Variants in IL1RAPL2 observed in about 807,000 individuals in gnomAD.
IL1RAPL2 encodes the protein X-linked interleukin-1 receptor accessory protein-like 2.
A neutral mutation model predicts 44.1 loss-of-function variants in IL1RAPL2; 3 were observed. That is an observed-to-expected ratio of 0.07 (90% CI 0.03 to 0.18). IL1RAPL2 has a LOEUF of 0.18. IL1RAPL2 is among the 10% of genes least tolerant of loss of function. The probability of loss-of-function intolerance (pLI) is 1.00; values close to 1 mark genes in which losing one functional copy is unlikely to be tolerated. For synonymous variants in IL1RAPL2, 181 were observed against 178.8 expected, an observed-to-expected ratio of 1.01 and a Z score of -0.10; for missense variants, 391 against 496.4, an observed-to-expected ratio of 0.79 and a Z score of 2.02.
intron 2 of IL1RAPL2, among the ~76,000 whole-genome samples, chrX:104,969,452 G>A (rs2030191174): frequency 9.0e-6 from 1 of 111,034 alleles, no homozygotes; most frequent in Non-Finnish European, 1.9e-5. Flanking sequence ...TGACAGAGTA[G>A]AAAAATAGTT....
chrX:104,979,131 G>A (rs1359828604), intron 2 of IL1RAPL2, among the ~76,000 whole-genome samples: 1 of 111,461 alleles, frequency 9.0e-6, no homozygotes, highest in African/African-American at 3.2e-5. Context: ...GCAGGAATAG[G>A]AAGACAGGTC....
chrX:105,204,895 T>C (rs1186485447), intron 3 of IL1RAPL2, among the ~76,000 whole-genome samples: 1 of 112,182 alleles, frequency 8.9e-6, no homozygotes, highest in Non-Finnish European at 1.9e-5. Context: ...GCCTTGCTTT[T>C]CCTCACATGG....
At chrX:104,829,486 T>C (rs1292604075) in intron 2 of IL1RAPL2, among the ~76,000 whole-genome samples, 1 of 112,068 alleles carries the variant, frequency 8.9e-6, no homozygotes, top group East Asian at 2.8e-4. Context: ...CCCAATGAAA[T>C]GAACTGGGTA....
chrX:104,640,287 A>AT (rs1426350290), intron 1 of IL1RAPL2, among the ~76,000 whole-genome samples: 3 of 110,984 alleles, frequency 2.7e-5, no homozygotes, highest in African/African-American at 9.8e-5. Flanking sequence ...TTTCAAATGT[A>AT]TTTTTTTATT....
At chrX:104,851,676 T>C (rs891982120) in intron 2 of IL1RAPL2, among the ~76,000 whole-genome samples, 5 of 111,709 alleles carry the variant, frequency 4.5e-5, no homozygotes, top group African/African-American at 1.6e-4. Flanking sequence ...TTTCTAACAC[T>C]GTCTTGGTCT....
At chrX:105,429,655 A>AG (rs1290956796) in intron 5 of IL1RAPL2, among the ~76,000 whole-genome samples, 1 of 111,826 alleles carries the variant, frequency 8.9e-6, no homozygotes, top group African/African-American at 3.2e-5. Flanking sequence ...GTAAAGGGTC[A>AG]GATAGTAAAA....
intron 2 of IL1RAPL2, among the ~76,000 whole-genome samples, chrX:104,745,165 A>G (rs1420927888): frequency 8.9e-6 from 1 of 111,776 alleles, no homozygotes; most frequent in Non-Finnish European, 1.9e-5. Flanking sequence ...GTGACTATTG[A>G]TGCTGCTGCT....
intron 2 of IL1RAPL2, among the ~76,000 whole-genome samples, chrX:104,861,792 T>C (rs1460103806): frequency 3.6e-5 from 4 of 112,022 alleles, no homozygotes; most frequent in Admixed American, 1.9e-4. Flanking sequence ...ATAAATGCTA[T>C]GTAAATGGCT....
chrX:105,389,087 A>G (rs763571129), intron 5 of IL1RAPL2, among the ~76,000 whole-genome samples: 23 of 111,949 alleles, frequency 2.1e-4, no homozygotes, highest in East Asian at 1.1e-3. Context: ...GTGTCTTCCC[A>G]CTTCATTCCT....
rs1453183374 is a variant in IL1RAPL2 at position 104,825,734 on chromosome X, C to T, written c.82+166739C>T. On this transcript the variant is annotated intron_variant, in intron 2 of 10. Coordinates refer to ENST00000372582, the MANE Select transcript of IL1RAPL2 (RefSeq NM_017416.2). ...AAAATATATTATCAGTTGCAGATATCAGTTGCTCCAGTAATCCTGCATAAC... is the reference window on the plus strand; with the variant it reads ...AAAATATATTATCAGTTGCAGATATTAGTTGCTCCAGTAATCCTGCATAAC... Among the ~76,000 whole-genome samples, 4 of 111,794 alleles carry T rather than the reference C, an allele frequency of 3.6e-5. No individual in the cohort carries two copies. The Admixed American group carries it at 3.8e-4, about 11-fold the overall frequency.
chrX:105,568,204 A>C (rs1385164635), intron 6 of IL1RAPL2, among the ~76,000 whole-genome samples: 2 of 111,199 alleles, frequency 1.8e-5, no homozygotes, highest in African/African-American at 6.5e-5. Context: ...CTGACTGCTC[A>C]GAAAGAACAG....
intron 5 of IL1RAPL2, among the ~76,000 whole-genome samples, chrX:105,415,811 A>G (rs747514893): frequency 4.0e-4 from 45 of 111,646 alleles, no homozygotes; most frequent in African/African-American, 1.5e-3. Context: ...AAATAAAAAA[A>G]TTACTTATGT....
chrX:105,074,150 T>C (rs1391748661), intron 2 of IL1RAPL2, among the ~76,000 whole-genome samples: 3 of 111,984 alleles, frequency 2.7e-5, no homozygotes, highest in African/African-American at 9.8e-5. Flanking sequence ...GCCCAGGTTT[T>C]CTTCTAGGGT....
chrX:105,476,621 A>T (rs1453873646), intron 5 of IL1RAPL2, among the ~76,000 whole-genome samples: 1 of 112,238 alleles, frequency 8.9e-6, no homozygotes, highest in East Asian at 2.8e-4. Flanking sequence ...TCCTGTTACA[A>T]ATAAGACAGA....
intron 6 of IL1RAPL2, among the ~76,000 whole-genome samples, chrX:105,666,917 G>A (rs1266920142): frequency 9.0e-6 from 1 of 111,723 alleles, no homozygotes; most frequent in East Asian, 2.8e-4. Context: ...CTCTGTAGGG[G>A]GAAGCACATC....
At position 105,749,252 on chromosome X, in the gene IL1RAPL2, C is replaced by CTAT. The variant is rs1227728326; in HGVS notation, c.1192+150_1192+151insATT. The CTAT allele has an allele frequency of 1.1e-5, 5 of 435,891 alleles. No individual in the cohort carries two copies. In the African/African-American group the frequency reaches 1.2e-4, roughly 11 times the overall value. The allele number at this position is 435,891 out of a possible 1,213,427, so 35.9% of individuals were successfully genotyped here. On this transcript the variant is annotated intron_variant, in intron 9 of 10. Coordinates refer to ENST00000372582, the MANE Select transcript of IL1RAPL2 (RefSeq NM_017416.2). ...ACTTACCTTTAAATAGTTTAGAAGACTTACCAAGAAAAAGAGAAAAGAGGA... is the reference window on the plus strand; with the variant it reads ...ACTTACCTTTAAATAGTTTAGAAGACTATTTACCAAGAAAAAGAGAAAAGAGGA...
intron 5 of IL1RAPL2, among the ~76,000 whole-genome samples, chrX:105,445,834 C>A (rs1188667971): frequency 9.0e-6 from 1 of 110,917 alleles, no homozygotes; most frequent in African/African-American, 3.3e-5. Flanking sequence ...TTGGTTTATC[C>A]ATGTGCTGAG....
chrX:104,912,601 A>G (rs369061882), intron 2 of IL1RAPL2, among the ~76,000 whole-genome samples: 27 of 111,583 alleles, frequency 2.4e-4, no homozygotes, highest in African/African-American at 8.5e-4. Context: ...CTTTCCTTTC[A>G]GAGGTAGGAA....
intron 2 of IL1RAPL2, among the ~76,000 whole-genome samples, chrX:104,876,171 C>T (rs1257394231): frequency 1.8e-5 from 2 of 111,347 alleles, no homozygotes; most frequent in Admixed American, 9.6e-5. Context: ...AATTCTTAGA[C>T]CCTGAGAAGT....
Sources: gnomAD v4.1 joint callset for allele counts (sites outside exome capture counted in the v4.1 genomes callset) on GRCh38, gnomAD v4.1.1 for gene constraint, MANE v1.5 for transcripts, NCBI Gene and HGNC (gene_info 2026-07-23, HGNC 2026-07-21) for gene names.